The following CNTNAP2 variants were observed in gnomAD, a reference collection of about 807,000 sequenced individuals.
CNTNAP2 encodes the protein contactin-associated protein-like 2.
In CNTNAP2, 98 loss-of-function variants were observed where a neutral mutation model predicts 155.2. The ratio of observed to expected loss-of-function variants is 0.63; its 90% CI spans 0.54 to 0.75. The LOEUF (loss-of-function observed/expected upper bound fraction) is 0.75, where lower values mean the gene tolerates loss of function less well. Ranked by LOEUF, CNTNAP2 falls within the 30% of genes least tolerant of loss-of-function variation. The pLI is 0.00. For missense variants in CNTNAP2, 1,727 were observed against 1,688.1 expected (o/e 1.02, Z -0.40); for synonymous variants, 651 against 631.2 (o/e 1.03, Z -0.47).
intron 8 of CNTNAP2, among the ~76,000 whole-genome samples, chr7:147,139,349 G>A (rs1362399221): frequency 2.6e-5 from 4 of 152,056 alleles, no homozygotes; most frequent in African/African-American, 9.7e-5. Flanking sequence ...ATATATCTAA[G>A]TCAACTTTAG....
intron 9 of CNTNAP2, among the ~76,000 whole-genome samples, chr7:147,374,487 A>G (rs1021426132): frequency 6.6e-6 from 1 of 152,126 alleles, no homozygotes; most frequent in African/African-American, 2.4e-5. Context: ...AATCTGAACC[A>G]AGGCTTCTGA....
At chr7:146,595,215 C>A (rs958310088) in intron 1 of CNTNAP2, among the ~76,000 whole-genome samples, 5 of 151,936 alleles carry the variant, frequency 3.3e-5, no homozygotes, top group African/African-American at 1.2e-4. Context: ...TGATTATAGA[C>A]CCGTGTTATC....
At chr7:147,891,690 A>T (rs1013792199) in intron 13 of CNTNAP2, among the ~76,000 whole-genome samples, 1 of 152,248 alleles carries the variant, frequency 6.6e-6, no homozygotes, top group South Asian at 2.1e-4. Flanking sequence ...TACCTGGAAT[A>T]TAACATAAAT....
At chr7:147,147,487 C>T (rs1217341962) in intron 8 of CNTNAP2, among the ~76,000 whole-genome samples, 1 of 152,022 alleles carries the variant, frequency 6.6e-6, no homozygotes, top group Non-Finnish European at 1.5e-5. Flanking sequence ...AAAACAAAAA[C>T]AAAGTGTGTC....
chr7:146,875,414 G>T (rs1018371865), intron 3 of CNTNAP2, among the ~76,000 whole-genome samples: 1 of 152,122 alleles, frequency 6.6e-6, no homozygotes, highest in Non-Finnish European at 1.5e-5. Flanking sequence ...TTTTCTTAGA[G>T]CATTCCCTTT....
intron 4 of CNTNAP2, among the ~76,000 whole-genome samples, chr7:147,085,203 G>T (rs1584829294): frequency 1.3e-5 from 2 of 152,036 alleles, no homozygotes; most frequent in African/African-American, 2.4e-5. Flanking sequence ...TCCTAGTATT[G>T]TTATCTTTGT....
At chr7:146,887,541 G>A (rs1178284484) in intron 3 of CNTNAP2, among the ~76,000 whole-genome samples, 1 of 151,994 alleles carries the variant, frequency 6.6e-6, no homozygotes, top group African/African-American at 2.4e-5. Flanking sequence ...ATAAGTATGA[G>A]TAAAGCCATT....
At chr7:146,450,665 G>C (rs1487060927) in intron 1 of CNTNAP2, among the ~76,000 whole-genome samples, 4 of 152,150 alleles carry the variant, frequency 2.6e-5, no homozygotes, top group Non-Finnish European at 5.9e-5. Context: ...CTAGGTTTAA[G>C]AGAAAAGGGA....
chr7:148,137,669 AAAGGAAGGAAGGAAGGAAGGAAGG>A (rs35867113), intron 16 of CNTNAP2, among the ~76,000 whole-genome samples: 2,708 of 107,736 alleles, frequency 0.025, 44 homozygotes, highest in African/African-American at 0.045. Flanking sequence ...CTCAGAAAAA[AAAGGAAGGAAGGAAGGAAGGAAGG>A]AAGGAAGGAA....
intron 1 of CNTNAP2, among the ~76,000 whole-genome samples, chr7:146,131,680 C>T (rs917654540): frequency 6.6e-6 from 1 of 152,166 alleles, no homozygotes; most frequent in Admixed American, 6.5e-5. Context: ...ACTTCAAAGA[C>T]TTAGGCTTCA....
chr7:147,905,043 A>G (rs1225291386), intron 14 of CNTNAP2, among the ~76,000 whole-genome samples: 1 of 152,196 alleles, frequency 6.6e-6, no homozygotes, highest in Non-Finnish European at 1.5e-5. Context: ...TCAGTCATTC[A>G]TTCAACAAAT....
At chr7:147,331,639 G>A (rs1795571587) in intron 9 of CNTNAP2, among the ~76,000 whole-genome samples, 1 of 152,122 alleles carries the variant, frequency 6.6e-6, no homozygotes, top group African/African-American at 2.4e-5. Flanking sequence ...CAGGTAGAGG[G>A]ATCGGCAGAG....
At chr7:146,823,971 A>AAT (rs760547527) in intron 2 of CNTNAP2, among the ~76,000 whole-genome samples, 155 of 152,132 alleles carry the variant, frequency 1.0e-3, no homozygotes, top group Middle Eastern at 3.4e-3. Flanking sequence ...TGCACCAATT[A>AAT]ATATGTCATC....
At chr7:147,895,711 G>C (rs1329486008) in intron 13 of CNTNAP2, among the ~76,000 whole-genome samples, 2 of 152,096 alleles carry the variant, frequency 1.3e-5, no homozygotes, top group African/African-American at 4.8e-5. Flanking sequence ...CCAATTAACA[G>C]GTAAATAATG....
intron 19 of CNTNAP2, among the ~76,000 whole-genome samples, chr7:148,225,152 A>G (rs1399452094): frequency 1.3e-5 from 2 of 152,208 alleles, no homozygotes; most frequent in East Asian, 3.9e-4. Context: ...TCTTGCTCTC[A>G]TGGAGCTTAT....
At chr7:148,110,531 C>T (rs907801455) in intron 15 of CNTNAP2, among the ~76,000 whole-genome samples, 9 of 152,122 alleles carry the variant, frequency 5.9e-5, no homozygotes, top group African/African-American at 1.9e-4. Context: ...CTGTTACCTC[C>T]TTCTCTTCAT....
chr7:146,374,455 C>G (rs981126125), intron 1 of CNTNAP2, among the ~76,000 whole-genome samples: 1 of 152,052 alleles, frequency 6.6e-6, no homozygotes, highest in African/African-American at 2.4e-5. Context: ...AACGGGATGA[C>G]TAGAAAGATA....
chr7:146,502,479 G>T (rs112519922), intron 1 of CNTNAP2, among the ~76,000 whole-genome samples: 3 of 151,886 alleles, frequency 2.0e-5, no homozygotes, highest in African/African-American at 7.2e-5. Context: ...TTTCCATACT[G>T]TCTCTATTAA....
chr7:146,575,794 G>A (rs935446975), intron 1 of CNTNAP2, among the ~76,000 whole-genome samples: 1 of 152,134 alleles, frequency 6.6e-6, no homozygotes, highest in Non-Finnish European at 1.5e-5. Flanking sequence ...CAACTTCCTA[G>A]CAGCCACATG....
Sources: allele counts gnomAD v4.1 joint callset (sites outside exome capture counted in the v4.1 genomes callset), GRCh38; gene constraint gnomAD v4.1.1; transcripts MANE v1.5; gene names NCBI Gene and HGNC (gene_info 2026-07-23, HGNC 2026-07-21).